The following FAM120C variants were observed in gnomAD, a reference collection of about 807,000 sequenced individuals.
The protein encoded by FAM120C is constitutive coactivator of PPAR-gamma-like protein 2.
In FAM120C, 14 loss-of-function variants were observed where a neutral mutation model predicts 71.2. The ratio of observed to expected loss-of-function variants is 0.20; its 90% confidence interval spans 0.13 to 0.31. The LOEUF (loss-of-function observed/expected upper bound fraction) is 0.31. FAM120C is among the 10% of genes least tolerant of loss of function. FAM120C has a pLI of 1.00. For synonymous variants in FAM120C, 354 were observed against 353.2 expected, an observed-to-expected ratio of 1.00 and a Z score of -0.03; for missense variants, 500 against 879.0, an observed-to-expected ratio of 0.57 and a Z score of 5.45.
chrX:54,169,639 G>T (rs2067277437), intron 1 of FAM120C, among the ~76,000 whole-genome samples: 1 of 111,638 alleles, frequency 9.0e-6, no homozygotes, highest in African/African-American at 3.3e-5. Flanking sequence ...TGAGTTCTGT[G>T]GTCTATCTTC....
intron 1 of FAM120C, among the ~76,000 whole-genome samples, chrX:54,168,784 T>C (rs1317838902): frequency 2.7e-5 from 3 of 111,891 alleles, no homozygotes; most frequent in Non-Finnish European, 5.6e-5. Flanking sequence ...GAACTAACTG[T>C]AGTGATTAAC....
chrX:54,180,551 C>T lies in FAM120C; in HGVS notation c.699+1949G>A, dbSNP rs191490518. ...AAGTAAGTGAATGACCTGAACACGTCTTTACCCAGGAGCCAAGGAAGAGTT... is the reference window on the plus strand; with the variant it reads ...AAGTAAGTGAATGACCTGAACACGTTTTTACCCAGGAGCCAAGGAAGAGTT... On this transcript the variant is annotated intron_variant, in intron 1 of 15. Transcript: ENST00000375180. 5.3e-5 allele frequency among the ~76,000 whole-genome samples: 6 copies of T among 112,473 alleles called. No homozygotes were observed. In the East Asian group the frequency reaches 1.7e-3, roughly 31 times the overall value.
At chrX:54,170,398 G>A (rs2146646273) in intron 1 of FAM120C, among the ~76,000 whole-genome samples, 1 of 111,573 alleles carries the variant, frequency 9.0e-6, no homozygotes, top group East Asian at 2.8e-4. Context: ...CTCCCCAAGT[G>A]CTAGGATTAC....
At chrX:54,132,621 C>T (rs2067073608) in intron 9 of FAM120C, 71 bp downstream of exon 9, 4 of 893,904 alleles carry the variant, frequency 4.5e-6, no homozygotes, top group African/African-American at 2.0e-5. Flanking sequence ...CAAAGGTACC[C>T]AATGTGCCTG....
intron 1 of FAM120C, 67 bp downstream of exon 1, chrX:54,182,433 G>A: frequency 7.2e-6 from 8 of 1,103,574 alleles, no homozygotes; most frequent in Non-Finnish European, 9.6e-6. Context: ...GTGGGTAGGT[G>A]GTTAGGTATT....
intron 10 of FAM120C, among the ~76,000 whole-genome samples, chrX:54,111,705 A>T: frequency 8.9e-6 from 1 of 112,354 alleles, no homozygotes. Context: ...AAATAACCAT[A>T]CTGTCCAAAG....
chrX:54,097,478 C>T (rs782048522), intron 10 of FAM120C, among the ~76,000 whole-genome samples: 1 of 111,800 alleles, frequency 8.9e-6, no homozygotes, highest in East Asian at 2.8e-4. Context: ...GCTAGAATGG[C>T]TTCTGTTTCT....
intron 9 of FAM120C, among the ~76,000 whole-genome samples, chrX:54,124,682 C>T (rs1219872677): frequency 2.8e-5 from 3 of 108,318 alleles, no homozygotes; most frequent in East Asian, 3.0e-4. Flanking sequence ...CCGTCTTCTG[C>T]GTCGCTCACG....
chrX:54,155,692 C>A lies in FAM120C; in HGVS notation c.1029+1997G>T, dbSNP rs781986014. Among the ~76,000 whole-genome samples the A allele has an allele frequency of 8.1e-5, 9 of 110,785 alleles. No homozygotes were observed. The East Asian group carries it at 1.7e-3, about 21-fold the overall frequency. On this transcript the variant is annotated intron_variant, in intron 3 of 15. Coordinates refer to ENST00000375180, the MANE Select transcript of FAM120C (RefSeq NM_017848.6). ...AAAAAAATAAAGTTGTATTTTTAAACTTCATAGATGCATGCTTACACAATC... is the reference window on the plus strand; with the variant it reads ...AAAAAAATAAAGTTGTATTTTTAAAATTCATAGATGCATGCTTACACAATC...
chrX:54,068,488 A>G lies in FAM120C; in HGVS notation c.*4545T>C, dbSNP rs2066695573. On this transcript the variant is annotated 3_prime_UTR_variant, in exon 16 of 16. Coordinates refer to ENST00000375180, the MANE Select transcript of FAM120C (RefSeq NM_017848.6). ...TTCCATTAACTCCTGAAGTTTCCCC[A>G]AAGAAGCATCCATTCAAACTTACAT... 1 of 111,373 alleles carries G rather than the reference A, an allele frequency of 9.0e-6. No individual in the cohort carries two copies. The highest frequency in any genetic ancestry group is 1.9e-5 in the Non-Finnish European group (1 of 53,152). The allele number at this position is 111,373 out of a possible 1,213,427, so 9.2% of individuals were successfully genotyped here. A position where few individuals can be genotyped will look rare whatever the true frequency, so the allele number is the denominator to read the frequency against.
At chrX:54,088,669 T>C (rs1219907772) in intron 11 of FAM120C, among the ~76,000 whole-genome samples, 1 of 100,913 alleles carries the variant, frequency 9.9e-6, no homozygotes, top group Non-Finnish European at 2.0e-5. Context: ...ACCCTGAAAA[T>C]GTTCACATTT....
At chrX:54,163,955 C>CA (rs1434792215) in intron 1 of FAM120C, among the ~76,000 whole-genome samples, 2 of 103,966 alleles carry the variant, frequency 1.9e-5, no homozygotes, top group African/African-American at 7.0e-5. Context: ...TTTTTTGAGA[C>CA]AGAGTCTCGC....
chrX:54,079,216 C>T (rs1161755301), intron 15 of FAM120C, among the ~76,000 whole-genome samples: 3 of 101,181 alleles, frequency 3.0e-5, no homozygotes, highest in Non-Finnish European at 4.0e-5. Flanking sequence ...GAGCCGAGAT[C>T]GCGCCACTGC....
chrX:54,182,484 C>T lies in FAM120C; in HGVS notation c.699+16G>A. On this transcript the variant is annotated intron_variant, in intron 1 of 15. Transcript: ENST00000375180. ...AGGTGTGGGGCTTATTATTTAAGATCCGGCCCCTCCCTCACCTTGACCCGG... is the reference window on the plus strand; with the variant it reads ...AGGTGTGGGGCTTATTATTTAAGATTCGGCCCCTCCCTCACCTTGACCCGG... The T allele has an allele frequency of 8.4e-7, 1 of 1,196,135 alleles. No homozygotes were observed. Among genetic ancestry groups the T allele is most frequent in the Non-Finnish European group, 1.1e-6 (1 of 887,747 alleles).
chrX:54,099,013 C>CTT (rs148758632), intron 10 of FAM120C, among the ~76,000 whole-genome samples: 1 of 47,986 alleles, frequency 2.1e-5, no homozygotes, highest in Non-Finnish European at 3.8e-5. Context: ...TACTTGTAGG[C>CTT]TTTTTTTTTT....
chrX:54,126,373 T>C (rs1273689001), intron 9 of FAM120C, among the ~76,000 whole-genome samples: 1 of 112,002 alleles, frequency 8.9e-6, no homozygotes, highest in African/African-American at 3.2e-5. Context: ...ATGCACAAAT[T>C]TTTTTCAACC....
intron 9 of FAM120C, among the ~76,000 whole-genome samples, chrX:54,118,565 C>T (rs1385974485): frequency 9.1e-6 from 1 of 109,851 alleles, no homozygotes; most frequent in Non-Finnish European, 1.9e-5. Flanking sequence ...TACATTCCCA[C>T]CAGCATTTAC....
chrX:54,095,923 T>A (rs1415500538), intron 10 of FAM120C, among the ~76,000 whole-genome samples: 1 of 111,322 alleles, frequency 9.0e-6, no homozygotes, highest in African/African-American at 3.3e-5. Flanking sequence ...CCCAAAGTGG[T>A]GGGATTACAG....
At chrX:54,091,930 G>T (rs1247121960) in intron 10 of FAM120C, among the ~76,000 whole-genome samples, 1 of 111,323 alleles carries the variant, frequency 9.0e-6, no homozygotes, top group African/African-American at 3.3e-5. Context: ...AGGTCAGATT[G>T]GTGGCAGCCT....
Sources: gnomAD v4.1 joint callset for allele counts (sites outside exome capture counted in the v4.1 genomes callset) on GRCh38, gnomAD v4.1.1 for gene constraint, MANE v1.5 for transcripts, NCBI Gene and HGNC (gene_info 2026-07-23, HGNC 2026-07-21) for gene names.